Variants in GALNT9 observed in about 807,000 individuals in gnomAD.
GALNT9 encodes polypeptide N-acetylgalactosaminyltransferase 9.
GALNT9 carries 47 observed loss-of-function variants against 63.1 expected under a neutral mutation model. The ratio of observed to expected loss-of-function variants is 0.75; its 90% confidence interval spans 0.59 to 0.95. GALNT9 has a LOEUF of 0.95. Among genes scored for constraint, GALNT9 ranks in the 40% least tolerant of loss-of-function variants. The pLI is 0.00. For missense variants in GALNT9, 829 were observed against 874.8 expected (o/e 0.95, Z 0.66); for synonymous variants, 396 against 365.7 (o/e 1.08, Z -0.94).
chr12:132,244,266 T>C (rs1470195789), intron 6 of GALNT9, among the ~76,000 whole-genome samples: 7 of 45,392 alleles, frequency 1.5e-4, no homozygotes, highest in Admixed American at 5.8e-4. Flanking sequence ...AGACGGGGGA[T>C]GTGGTGATGG....
chr12:132,305,102 G>C (rs377155112), intron 1 of GALNT9, among the ~76,000 whole-genome samples: 157 of 25,616 alleles, frequency 6.1e-3, no homozygotes, highest in Admixed American at 7.6e-3. Context: ...CCCGGGCACA[G>C]CCTCACCCAG....
At position 132,329,479 on chromosome 12, in the gene GALNT9, G is replaced by A. The variant is rs186165502; in HGVS notation, c.-276C>T. The A allele has an allele frequency of 0.012, 2,108 of 172,894 alleles. 72 individuals carry two copies. The East Asian group carries it at 0.12, about 10-fold the overall frequency. 10.7% of individuals were successfully genotyped at this position (172,894 alleles called of 1,614,324 possible). On this transcript the variant is annotated 5_prime_UTR_variant, in exon 1 of 11. Transcript: ENST00000328957. ...GGCCCCGCCCCGGGGAGCGGTGAGG[G>A]GGGCCGGGGGCGCCGGGGGGCGGCG...
At chr12:132,266,669 G>A (rs1376479548) in intron 2 of GALNT9, among the ~76,000 whole-genome samples, 1 of 152,224 alleles carries the variant, frequency 6.6e-6, no homozygotes, top group Non-Finnish European at 1.5e-5. Flanking sequence ...CCTCCAGAAC[G>A]GGGGACAGTG....
chr12:132,227,870 G>A (rs1877755608), intron 6 of GALNT9, among the ~76,000 whole-genome samples: 1 of 152,078 alleles, frequency 6.6e-6, no homozygotes, highest in Non-Finnish European at 1.5e-5. Flanking sequence ...CCACAGGGAT[G>A]TGCAAATGGA....
At chr12:132,243,475 G>T (rs1555237700) in intron 6 of GALNT9, among the ~76,000 whole-genome samples, 1 of 149,480 alleles carries the variant, frequency 6.7e-6, no homozygotes, top group Non-Finnish European at 1.5e-5. Flanking sequence ...CGACCTGAAG[G>T]TCAGGGCATC....
At position 132,326,728 on chromosome 12, in the gene GALNT9, G is replaced by A. The variant is rs369337568; in HGVS notation, c.238+2238C>T. ...TCGGATGGATTAGTATCGAGTGGGA[G>A]CTCCCAGGAATCAATTTTGCATCCT... On this transcript the variant is annotated intron_variant, in intron 1 of 10. Transcript: ENST00000328957. Among the ~76,000 whole-genome samples the A allele has an allele frequency of 1.9e-4, 29 of 152,338 alleles. No individual in the cohort carries two copies. In the East Asian group the frequency reaches 1.9e-3, roughly 10 times the overall value.
At chr12:132,240,475 C>T (rs2136898284) in intron 6 of GALNT9, 17 of 384,256 alleles carry the variant, frequency 4.4e-5, no homozygotes, top group Middle Eastern at 8.9e-4. Flanking sequence ...CAAGAATAGC[C>T]GTGCCCAGCT....
chr12:132,301,281 T>G (rs1050041547), intron 1 of GALNT9, among the ~76,000 whole-genome samples: 4 of 152,226 alleles, frequency 2.6e-5, no homozygotes, highest in Non-Finnish European at 5.9e-5. Flanking sequence ...CGCTCCACTT[T>G]CAGGAGAGGA....
intron 4 of GALNT9, 121 bp from the exon 5 acceptor site, chr12:132,258,007 C>T (rs1256527890): frequency 2.9e-6 from 2 of 688,400 alleles, no homozygotes; most frequent in East Asian, 5.5e-5. Context: ...CCCTGCCACC[C>T]CCTGCTGAGC....
At chr12:132,295,907 AGCCTCCGAACAGGGACG>A (rs34595989) in intron 1 of GALNT9, among the ~76,000 whole-genome samples, 5 of 67,668 alleles carry the variant, frequency 7.4e-5, no homozygotes, top group African/African-American at 3.3e-4. Context: ...GAACAGGGAG[AGCCTCCGAACAGGGACG>A]GCCTCCGAAC....
At chr12:132,304,281 GCACACCCTCGCCCGGA>G (rs2008395877) in intron 1 of GALNT9, among the ~76,000 whole-genome samples, 7 of 43,802 alleles carry the variant, frequency 1.6e-4, no homozygotes, top group Admixed American at 4.5e-4. Context: ...CCTCGCCCGG[GCACACCCTCGCCCGGA>G]CACACCCTCA....
chr12:132,236,591 C>G lies in GALNT9; in HGVS notation c.1077+11319G>C, dbSNP rs1289688554. 6.6e-6 allele frequency among the ~76,000 whole-genome samples: 1 copy of G among 152,158 alleles called. No homozygotes were observed. The highest frequency in any genetic ancestry group is 2.4e-5 in the African/African-American group (1 of 41,430). Reference sequence around the variant, plus strand: ...TCTATCTTTCCTTTCAAGCTCCAAACTTGCACTTTGATTTCCTTCAAGAGT... The same window carrying G: ...TCTATCTTTCCTTTCAAGCTCCAAAGTTGCACTTTGATTTCCTTCAAGAGT... On this transcript the variant is annotated intron_variant, in intron 6 of 10. Coordinates refer to ENST00000328957, the MANE Select transcript of GALNT9 (RefSeq NM_001122636.2). The surrounding 1 kb of genome is among the most constrained non-coding windows in gnomAD (Gnocchi z 5.6).
rs1241776813 is a variant in GALNT9, at chr12:132,296,228, A to G, written c.239-9798T>C. Among the ~76,000 whole-genome samples, 1 of 152,280 alleles carries G rather than the reference A, an allele frequency of 6.6e-6. No homozygotes were observed. Among genetic ancestry groups the G allele is most frequent in the Non-Finnish European group, 1.5e-5 (1 of 68,052 alleles). ...GTGTCCGTTTCTGTTGGTCTAAGCC[A>G]CGCAGTCTGTGGTGATCTGTCACGG... On this transcript the variant is annotated intron_variant, in intron 1 of 10. Coordinates refer to ENST00000328957, the MANE Select transcript of GALNT9 (RefSeq NM_001122636.2). The surrounding 1 kb of genome is among the most constrained non-coding windows in gnomAD (Gnocchi z 4.2).
chr12:132,260,940 G>A lies in GALNT9; in HGVS notation c.761+8C>T, dbSNP rs1555239674. ...GAGACTGGCTGTCCAGCCTGTTCCG[G>A]CCCTTACCAGCCCGTGTTGAACTCG... On this transcript the variant is annotated splice_region_variant and intron_variant, in intron 4 of 10. Transcript: ENST00000328957. 1 of 1,534,298 alleles carries A rather than the reference G, an allele frequency of 6.5e-7. No homozygotes were observed. The highest frequency in any genetic ancestry group is 8.8e-7 in the Non-Finnish European group (1 of 1,140,608).
chr12:132,250,538 C>T (rs1555238445), intron 5 of GALNT9, among the ~76,000 whole-genome samples: 1 of 152,206 alleles, frequency 6.6e-6, no homozygotes, highest in African/African-American at 2.4e-5. Context: ...GCCTGTAATC[C>T]CAGCACTTTG....
intron 4 of GALNT9, among the ~76,000 whole-genome samples, chr12:132,258,147 C>T (rs112107017): frequency 2.0e-4 from 31 of 152,294 alleles, no homozygotes; most frequent in East Asian, 1.2e-3. Context: ...ACACCGGCCA[C>T]GTTGGCCCAA....
chr12:132,281,126 C>T (rs1373792457), intron 2 of GALNT9, among the ~76,000 whole-genome samples: 2 of 152,250 alleles, frequency 1.3e-5, no homozygotes, highest in Non-Finnish European at 2.9e-5. Context: ...CGCTGAGCCG[C>T]GCCGGGATAG....
chr12:132,307,486 G>C (rs1881654260), intron 1 of GALNT9, among the ~76,000 whole-genome samples: 1 of 152,036 alleles, frequency 6.6e-6, no homozygotes, highest in South Asian at 2.1e-4. Flanking sequence ...CCCTGAGACG[G>C]AGAGTGCCCT....
At chr12:132,202,875 A>T (rs1565983286) in intron 7 of GALNT9, among the ~76,000 whole-genome samples, 2 of 152,130 alleles carry the variant, frequency 1.3e-5, no homozygotes, top group Non-Finnish European at 2.9e-5. Context: ...GGGAAATTAC[A>T]AATTAGAAAA....
Sources: gnomAD v4.1 joint callset for allele counts (sites outside exome capture counted in the v4.1 genomes callset) on GRCh38, gnomAD v4.1.1 for gene constraint, Gnocchi (gnomAD v3.1) non-coding constraint, MANE v1.5 for transcripts, NCBI Gene and HGNC (gene_info 2026-07-23, HGNC 2026-07-21) for gene names.